The following RPS6KC1 variants were observed in gnomAD, a reference collection of about 807,000 sequenced individuals.
RPS6KC1 encodes ribosomal protein S6 kinase C1.
In RPS6KC1, 54 loss-of-function variants were observed where a neutral mutation model predicts 103.8. The ratio of observed to expected loss-of-function variants is 0.52; its 90% CI spans 0.42 to 0.65. The LOEUF (loss-of-function observed/expected upper bound fraction) is 0.65, where lower values mean the gene tolerates loss of function less well. Ranked by LOEUF, RPS6KC1 falls within the 30% of genes least tolerant of loss-of-function variation. The probability of loss-of-function intolerance (pLI) is 0.00; values close to 1 mark genes in which losing one functional copy is unlikely to be tolerated. For synonymous variants in RPS6KC1, 439 were observed against 438.7 expected (o/e 1.00, Z -0.01); for missense variants, 1,151 against 1,253.8 (o/e 0.92, Z 1.24).
chr1:213,630,011 T>G, the RPS6KC1 span, among the ~76,000 whole-genome samples: 1 of 152,262 alleles, frequency 6.6e-6, no homozygotes, highest in Admixed American at 6.5e-5. Flanking sequence ...CTGGCTGTCC[T>G]TAACATTTTT....
At chr1:213,621,835 G>A in the RPS6KC1 span, among the ~76,000 whole-genome samples, 36 of 152,218 alleles carry the variant, frequency 2.4e-4, no homozygotes, top group South Asian at 6.9e-3. Context: ...CCCTGAAGTC[G>A]GTGCTGGTTA....
the RPS6KC1 span, among the ~76,000 whole-genome samples, chr1:213,488,067 CTG>C: frequency 1.3e-5 from 2 of 152,204 alleles, no homozygotes; most frequent in African/African-American, 2.4e-5. Flanking sequence ...GTTTCTCTCT[CTG>C]TGTATGCTCA....
At chr1:213,746,045 C>T in the RPS6KC1 span, among the ~76,000 whole-genome samples, 2 of 152,146 alleles carry the variant, frequency 1.3e-5, no homozygotes, top group Admixed American at 1.3e-4. Flanking sequence ...TACTATGTGC[C>T]AGGAGCTTAG....
At chr1:213,800,233 G>A in the RPS6KC1 span, among the ~76,000 whole-genome samples, 43 of 152,268 alleles carry the variant, frequency 2.8e-4, no homozygotes, top group African/African-American at 8.7e-4. Context: ...GTGTTCCTGC[G>A]ATAAGGAATT....
At chr1:213,799,431 G>A in the RPS6KC1 span, among the ~76,000 whole-genome samples, 7 of 152,294 alleles carry the variant, frequency 4.6e-5, no homozygotes, top group East Asian at 1.4e-3. Context: ...CCCGACCTGA[G>A]CTTCCCATTA....
chr1:213,325,251 A>G, the RPS6KC1 span, among the ~76,000 whole-genome samples: 9 of 151,758 alleles, frequency 5.9e-5, no homozygotes. Flanking sequence ...GCACTCAATT[A>G]CTCCGGCATC....
the RPS6KC1 span, among the ~76,000 whole-genome samples, chr1:213,361,826 G>A: frequency 6.6e-6 from 1 of 152,168 alleles, no homozygotes; most frequent in Non-Finnish European, 1.5e-5. Flanking sequence ...GCTGGCTATG[G>A]CGTCTTTGCG....
the RPS6KC1 span, among the ~76,000 whole-genome samples, chr1:213,854,629 T>C: frequency 1.3e-5 from 2 of 151,956 alleles, no homozygotes; most frequent in East Asian, 3.9e-4. Flanking sequence ...ATTCACCCTC[T>C]GATTTAATGG....
intron 8 of RPS6KC1, chr1:213,205,170 G>C: frequency 7.5e-6 from 6 of 800,936 alleles, no homozygotes; most frequent in Non-Finnish European, 9.1e-6. Flanking sequence ...GTCTGTTTGA[G>C]TATCACCAAA....
At chr1:213,280,378 C>T in the RPS6KC1 span, among the ~76,000 whole-genome samples, 1 of 152,180 alleles carries the variant, frequency 6.6e-6, no homozygotes, top group Admixed American at 6.5e-5. Flanking sequence ...GTTATAATTC[C>T]TTTGATGACT....
At chr1:213,429,982 T>C in the RPS6KC1 span, among the ~76,000 whole-genome samples, 1 of 152,202 alleles carries the variant, frequency 6.6e-6, no homozygotes, top group African/African-American at 2.4e-5. Context: ...AAACTTAAAA[T>C]GAAAATAATT....
At chr1:213,479,344 GGT>G in the RPS6KC1 span, among the ~76,000 whole-genome samples, 1 of 151,958 alleles carries the variant, frequency 6.6e-6, no homozygotes, top group Non-Finnish European at 1.5e-5. Context: ...TTACACAAGT[GGT>G]GTGTGAAATT....
the RPS6KC1 span, among the ~76,000 whole-genome samples, chr1:213,465,906 C>T: frequency 6.6e-6 from 1 of 152,152 alleles, no homozygotes; most frequent in Non-Finnish European, 1.5e-5. Context: ...GCCCTCATTT[C>T]CCCACTGCCC....
At chr1:213,405,354 C>T in the RPS6KC1 span, among the ~76,000 whole-genome samples, 4 of 152,198 alleles carry the variant, frequency 2.6e-5, no homozygotes, top group South Asian at 2.1e-4. Flanking sequence ...GGGTTGGAGC[C>T]GCTGCCATTG....
chr1:213,068,558 C>T (rs1342274667), intron 1 of RPS6KC1, among the ~76,000 whole-genome samples: 1 of 143,468 alleles, frequency 7.0e-6, no homozygotes, highest in African/African-American at 2.6e-5. Flanking sequence ...AAATACTATA[C>T]TTTTGGAAAG....
chr1:213,819,335 A>G, the RPS6KC1 span: 3 of 152,242 alleles, frequency 2.0e-5, no homozygotes, highest in East Asian at 3.9e-4. Flanking sequence ...AAAACATCAC[A>G]AAAGCCAGAG....
chr1:213,805,606 C>A, the RPS6KC1 span, among the ~76,000 whole-genome samples: 1 of 152,252 alleles, frequency 6.6e-6, no homozygotes. Context: ...ACTACATCTG[C>A]AGTTACTTCC....
At chr1:213,808,507 G>A in the RPS6KC1 span, among the ~76,000 whole-genome samples, 20 of 152,300 alleles carry the variant, frequency 1.3e-4, no homozygotes, top group African/African-American at 3.8e-4. Context: ...CCCCAGCCTC[G>A]CTGCCACCTT....
At chr1:213,262,859 AT>A in intron 14 of RPS6KC1, 43 bp downstream of exon 14, 1 of 1,150,894 alleles carries the variant, frequency 8.7e-7, no homozygotes, top group Non-Finnish European at 1.3e-6. Flanking sequence ...AACCATGCAG[AT>A]TAGCAGAGCC....
Sources: gnomAD v4.1 joint callset for allele counts (sites outside exome capture counted in the v4.1 genomes callset) on GRCh38, gnomAD v4.1.1 for gene constraint, MANE v1.5 for transcripts, NCBI Gene and HGNC (gene_info 2026-07-23, HGNC 2026-07-21) for gene names.